PHACTR2: variants seen among roughly 807,000 people sequenced by gnomAD.
PHACTR2 encodes the protein phosphatase and actin regulator 2.
PHACTR2 carries 30 observed loss-of-function variants against 76.0 expected under a neutral mutation model. That is an observed-to-expected ratio of 0.39 (90% CI 0.30 to 0.54). The LOEUF (loss-of-function observed/expected upper bound fraction) is 0.54. Among genes scored for constraint, PHACTR2 ranks in the 20% least tolerant of loss-of-function variants. The probability of loss-of-function intolerance (pLI) is 0.61; values close to 1 mark genes in which losing one functional copy is unlikely to be tolerated. For synonymous variants in PHACTR2, 292 were observed against 292.5 expected, an observed-to-expected ratio of 1.00 and a Z score of 0.02; for missense variants, 696 against 781.1, an observed-to-expected ratio of 0.89 and a Z score of 1.30.
At chr6:143,716,364 C>A (rs566844697) in intron 2 of PHACTR2, among the ~76,000 whole-genome samples, 1 of 152,250 alleles carries the variant, frequency 6.6e-6, no homozygotes, top group South Asian at 2.1e-4. Flanking sequence ...GGGCCTTGGT[C>A]ACCCAGGCTG....
chr6:143,696,552 C>T lies in PHACTR2; in HGVS notation c.47-15464C>T, dbSNP rs1196530471. ...CCCCATTCTACAGATGAGGAAGGGA[C>T]TCTGAAAGGTTGAATTACAGACCTA... is the stretch of plus-strand genomic sequence containing the variant. On this transcript the variant is annotated intron_variant, in intron 1 of 12. Coordinates refer to ENST00000440869, the MANE Select transcript of PHACTR2 (RefSeq NM_001100164.2). This position sits in a 1 kb window ranked among gnomAD's most constrained non-coding sequence, Gnocchi z 4.1. Among the ~76,000 whole-genome samples the T allele has an allele frequency of 6.6e-6, 1 of 152,106 alleles. No individual in the cohort carries two copies. The highest frequency in any genetic ancestry group is 2.4e-5 in the African/African-American group (1 of 41,402).
In PHACTR2 at chr6:143,679,111, A is replaced by G. The variant is rs908221080; in HGVS notation, c.46+902A>G. Reference sequence around the variant, plus strand: ...GATACACTTTTTAAATTGTGCAAACATCAACAGGATCTTGCTGAAAGGAAA... The same window carrying G: ...GATACACTTTTTAAATTGTGCAAACGTCAACAGGATCTTGCTGAAAGGAAA... On this transcript the variant is annotated intron_variant, in intron 1 of 12. Transcript: ENST00000440869. This position sits in a 1 kb window ranked among gnomAD's most constrained non-coding sequence, Gnocchi z 4.6. 6.6e-6 allele frequency among the ~76,000 whole-genome samples: 1 copy of G among 152,252 alleles called. No homozygotes were observed. Among genetic ancestry groups the G allele is most frequent in the East Asian group, 1.9e-4 (1 of 5,202 alleles).
rs1776093029 is a variant in PHACTR2 at position 143,807,613 on chromosome 6, G to A, written c.1922+480G>A. On this transcript the variant is annotated intron_variant, in intron 12 of 12. Transcript: ENST00000440869. The surrounding 1 kb of genome is among the most constrained non-coding windows in gnomAD (Gnocchi z 5.5). ...TTGAAGTTGTATGCCCAGAATAGAT[G>A]CTGGCGAGAGTCAGTGTGGGCACAT... 6.6e-6 allele frequency among the ~76,000 whole-genome samples: 1 copy of A among 152,166 alleles called. No homozygotes were observed. The highest frequency in any genetic ancestry group is 1.5e-5 in the Non-Finnish European group (1 of 68,048).
At chr6:143,725,423 A>T (rs1778542796) in intron 2 of PHACTR2, among the ~76,000 whole-genome samples, 2 of 148,976 alleles carry the variant, frequency 1.3e-5, no homozygotes, top group Non-Finnish European at 3.0e-5. Flanking sequence ...GATGGTCTCG[A>T]TCTCCTGACC....
intron 1 of PHACTR2, among the ~76,000 whole-genome samples, chr6:143,542,175 G>A (rs1781176984): frequency 6.6e-6 from 1 of 152,148 alleles, no homozygotes; most frequent in Non-Finnish European, 1.5e-5. Context: ...TCCAGCCTGC[G>A]CTTTGCCCAG....
Position 143,760,715 on chromosome 6 carries a change from T to G in PHACTR2, c.694+75T>G. 6.6e-7 allele frequency: 1 copy of G among 1,521,920 alleles called. No individual in the cohort carries two copies. Among genetic ancestry groups the G allele is most frequent in the Admixed American group, 2.0e-5 (1 of 49,150 alleles). The allele number at this position is 1,521,920 out of a possible 1,614,324, so 94.3% of individuals were successfully genotyped here. A position where few individuals can be genotyped will look rare whatever the true frequency, so the allele number is the denominator to read the frequency against. On this transcript the variant is annotated intron_variant, in intron 5 of 12. Coordinates refer to ENST00000440869, the MANE Select transcript of PHACTR2 (RefSeq NM_001100164.2). This position sits in a 1 kb window ranked among gnomAD's most constrained non-coding sequence, Gnocchi z 6.4. ...CTGGGATGGGGCTAATTGTTTCTTC[T>G]AGGTGTGATGGGCTTTTGGTGTCTT...
At chr6:143,797,654 GT>G (rs1055887395) in intron 11 of PHACTR2, among the ~76,000 whole-genome samples, 3 of 152,110 alleles carry the variant, frequency 2.0e-5, no homozygotes, top group Non-Finnish European at 2.9e-5. Context: ...TCCCAACACC[GT>G]TTATTAAATA....
intron 6 of PHACTR2, among the ~76,000 whole-genome samples, chr6:143,766,158 G>A (rs991516664): frequency 1.3e-5 from 2 of 152,142 alleles, no homozygotes; most frequent in African/African-American, 4.8e-5. Context: ...GCAAGTTACT[G>A]AGCCTTCCCC....
intron 4 of PHACTR2, among the ~76,000 whole-genome samples, chr6:143,756,077 A>T (rs950775293): frequency 7.2e-5 from 11 of 152,086 alleles, no homozygotes; most frequent in Non-Finnish European, 1.2e-4. Context: ...CTATTTGGTT[A>T]TATTTGCCAA....
intron 2 of PHACTR2, among the ~76,000 whole-genome samples, chr6:143,719,390 G>T (rs1233800647): frequency 8.9e-6 from 1 of 112,120 alleles, no homozygotes; most frequent in Non-Finnish European, 1.7e-5. Context: ...TCTCACTCTC[G>T]CCCAGGCTGG....
rs1775517747 is a variant in PHACTR2 at position 143,784,819 on chromosome 6, AC to A, written c.1707+1543del. Among the ~76,000 whole-genome samples, 1 of 151,948 alleles carries A rather than the reference AC, an allele frequency of 6.6e-6. No individual in the cohort carries two copies. On this transcript the variant is annotated intron_variant, in intron 10 of 12. Coordinates refer to ENST00000440869, the MANE Select transcript of PHACTR2 (RefSeq NM_001100164.2). The surrounding 1 kb of genome is among the most constrained non-coding windows in gnomAD (Gnocchi z 4.5). Reference sequence around the variant, plus strand: ...ATGAGGAGGGGAAGCAAAACTGGAAACCCCTGATAAACACATCAGATCTTGT... The same window carrying A: ...ATGAGGAGGGGAAGCAAAACTGGAAACCCTGATAAACACATCAGATCTTGT...
chr6:143,764,278 G>A lies in PHACTR2; in HGVS notation c.695-983G>A, dbSNP rs372860943. Among the ~76,000 whole-genome samples, 10 of 151,984 alleles carry A rather than the reference G, an allele frequency of 6.6e-5. No homozygotes were observed. The South Asian group carries it at 2.1e-3, about 31-fold the overall frequency. On this transcript the variant is annotated intron_variant, in intron 5 of 12. Transcript: ENST00000440869. The surrounding 1 kb of genome is among the most constrained non-coding windows in gnomAD (Gnocchi z 4.7). ...TGGAGCCACCAAAGCCTCTCACTTT[G>A]GGAGGCTGAGATGGGTGAATCCCTT...
rs1776160796 is a variant in PHACTR2, at chr6:143,621,846, T to C, written c.13+13524T>C. 6.6e-6 allele frequency among the ~76,000 whole-genome samples: 1 copy of C among 152,228 alleles called. No homozygotes were observed. The highest frequency in any genetic ancestry group is 2.1e-4 in the South Asian group (1 of 4,824). ...TCAGCTACCTCCCAAGGTGATCACT[T>C]GGCCCCAGGTCCCCCTGCTCTGGCT... is the stretch of plus-strand genomic sequence containing the variant. On this transcript the variant is annotated intron_variant, in intron 1 of 11. Transcript: ENST00000305766. This position sits in a 1 kb window ranked among gnomAD's most constrained non-coding sequence, Gnocchi z 4.1.
rs148610073 is a variant in PHACTR2, at chr6:143,797,637, C to T, written c.1845+8727C>T. The stretch of plus-strand genomic sequence containing the variant: ...GTTCCAGTTTTCTGCATATGGCCAG[C>T]CAGTTTTCCCAACACCGTTTATTAA... On this transcript the variant is annotated intron_variant, in intron 11 of 12. Transcript: ENST00000440869. Among the ~76,000 whole-genome samples, 17 of 152,230 alleles carry T rather than the reference C, an allele frequency of 1.1e-4. No homozygotes were observed. In the East Asian group the frequency reaches 2.5e-3, roughly 22 times the overall value.
In PHACTR2 at chr6:143,761,916, A is replaced by G. The variant is rs6907533; in HGVS notation, c.694+1276A>G. ...CAGTATAACAGATCTCTGAATGCCA[A>G]TAGACATCCCTCTCCCTGTGCTCCT... On this transcript the variant is annotated intron_variant, in intron 5 of 12. Coordinates refer to ENST00000440869, the MANE Select transcript of PHACTR2 (RefSeq NM_001100164.2). The surrounding 1 kb of genome is among the most constrained non-coding windows in gnomAD (Gnocchi z 5.2). Among the ~76,000 whole-genome samples, 22,798 of 152,052 alleles carry G rather than the reference A, an allele frequency of 0.15. 2,148 individuals carry two copies. The highest frequency in any genetic ancestry group is 0.35 in the East Asian group (1,799 of 5,150).
Position 143,822,789 on chromosome 6 carries a change from T to G in PHACTR2, c.1923-885T>G, listed in dbSNP as rs1055135651. 3.3e-5 allele frequency among the ~76,000 whole-genome samples: 5 copies of G among 152,000 alleles called. No individual in the cohort carries two copies. The highest frequency in any genetic ancestry group is 1.2e-4 in the African/African-American group (5 of 41,366). On this transcript the variant is annotated intron_variant, in intron 12 of 12. Transcript: ENST00000440869. This position sits in a 1 kb window ranked among gnomAD's most constrained non-coding sequence, Gnocchi z 5.5. ...TAACTTTTGACCTTGATCTTGAAAA[T>G]GAAAACATAGATAGGAAATGAAGGG...
rs962481923 is a variant in PHACTR2, at chr6:143,777,551, T to C, written c.1645+168T>C. Among the ~76,000 whole-genome samples the C allele has an allele frequency of 6.6e-6, 1 of 152,192 alleles. No individual in the cohort carries two copies. Among genetic ancestry groups the C allele is most frequent in the African/African-American group, 2.4e-5 (1 of 41,462 alleles). On this transcript the variant is annotated intron_variant, in intron 9 of 12. Coordinates refer to ENST00000440869, the MANE Select transcript of PHACTR2 (RefSeq NM_001100164.2). The surrounding 1 kb of genome is among the most constrained non-coding windows in gnomAD (Gnocchi z 4.6). ...TGTAATTGTTTATATATTTTTTTAA[T>C]TTCTTGAATTTGATATTTGATTTTA...
rs115143566 is a variant in PHACTR2, at chr6:143,539,281, C to T, written c.217+2074C>T. ...CTTTCAGCTCAGTTGTCCCATGTGC[C>T]GCAGGATGCTGGCACAGATGTAGAA... On this transcript the variant is annotated intron_variant, in intron 1 of 11. Transcript: ENST00000367584. This position sits in a 1 kb window ranked among gnomAD's most constrained non-coding sequence, Gnocchi z 4.3. Among the ~76,000 whole-genome samples the T allele has an allele frequency of 3.9e-5, 6 of 152,264 alleles. No homozygotes were observed. The highest frequency in any genetic ancestry group is 1.4e-4 in the African/African-American group (6 of 41,536).
At position 143,713,006 on chromosome 6, in the gene PHACTR2, G is replaced by A. The variant is rs144831342; in HGVS notation, c.214+823G>A. Among the ~76,000 whole-genome samples, 6 of 152,264 alleles carry A rather than the reference G, an allele frequency of 3.9e-5. No individual in the cohort carries two copies. In the East Asian group the frequency reaches 9.6e-4, roughly 24 times the overall value. ...TAGAAAAGTGTTTAGTAAGTTCAAC[G>A]TTCCCCATGCTTACTGTCCAAGGCA... On this transcript the variant is annotated intron_variant, in intron 2 of 12. Transcript: ENST00000440869.
Sources: allele counts gnomAD v4.1 joint callset (sites outside exome capture counted in the v4.1 genomes callset), GRCh38; gene constraint gnomAD v4.1.1; non-coding constraint Gnocchi (gnomAD v3.1); transcripts MANE v1.5; gene names NCBI Gene and HGNC (gene_info 2026-07-23, HGNC 2026-07-21).